Variants in MAP2K5 observed in about 807,000 individuals in gnomAD.
MAP2K5 encodes dual specificity mitogen-activated protein kinase kinase 5.
A neutral mutation model predicts 83.1 loss-of-function variants in MAP2K5; 49 were observed. That is an observed-to-expected ratio of 0.59 (90% confidence interval 0.47 to 0.75). The LOEUF is 0.75. Among genes scored for constraint, MAP2K5 ranks in the 30% least tolerant of loss-of-function variants. The pLI is 0.00. For synonymous variants in MAP2K5, 202 were observed against 191.8 expected (o/e 1.05, Z -0.44); for missense variants, 457 against 557.5 (o/e 0.82, Z 1.82).
At position 67,770,795 on chromosome 15, in the gene MAP2K5, G is replaced by A. The variant is rs143005687; in HGVS notation, c.1196+1132G>A. On this transcript the variant is annotated intron_variant, in intron 20 of 21. Coordinates refer to ENST00000178640, the MANE Select transcript of MAP2K5 (RefSeq NM_145160.3). The surrounding 1 kb of genome is among the most constrained non-coding windows in gnomAD (Gnocchi z 5.0). The stretch of plus-strand genomic sequence containing the variant: ...AGCTTTATCACCTTTTTGACTAAGT[G>A]TAACATGTTACCTCTTAATAAAAAT... 4.9e-4 allele frequency among the ~76,000 whole-genome samples: 74 copies of A among 152,166 alleles called. No homozygotes were observed. In the East Asian group the frequency reaches 0.011, roughly 23 times the overall value.
At chr15:67,632,028 G>A (rs556043206) in intron 9 of MAP2K5, among the ~76,000 whole-genome samples, 130 of 151,732 alleles carry the variant, frequency 8.6e-4, no homozygotes, top group African/African-American at 2.9e-3. Flanking sequence ...TTTATCTCCA[G>A]TCTCCTGGCC....
chr15:67,560,572 C>T (rs1364077268), intron 2 of MAP2K5, among the ~76,000 whole-genome samples: 1 of 152,238 alleles, frequency 6.6e-6, no homozygotes, highest in African/African-American at 2.4e-5. Flanking sequence ...GTCAGACCCC[C>T]TAAGGGGAGA....
At position 67,577,867 on chromosome 15, in the gene MAP2K5, G is replaced by A. The variant is rs372450054; in HGVS notation, c.253-2887G>A. 5.4e-4 allele frequency among the ~76,000 whole-genome samples: 82 copies of A among 152,268 alleles called. No homozygotes were observed. The highest frequency in any genetic ancestry group is 1.9e-3 in the African/African-American group (81 of 41,556). Reference sequence around the variant, plus strand: ...AATACAAAAATTAGCCGGGCCAGTGGTGGGTGCCTGTAATCCCAGCTACTT... The same window carrying A: ...AATACAAAAATTAGCCGGGCCAGTGATGGGTGCCTGTAATCCCAGCTACTT... On this transcript the variant is annotated intron_variant, in intron 3 of 21. Transcript: ENST00000178640. This position sits in a 1 kb window ranked among gnomAD's most constrained non-coding sequence, Gnocchi z 4.1.
intron 16 of MAP2K5, among the ~76,000 whole-genome samples, chr15:67,704,582 A>G (rs2088505033): frequency 6.6e-6 from 1 of 152,218 alleles, no homozygotes; most frequent in African/African-American, 2.4e-5. Flanking sequence ...AGAAAGCAAA[A>G]ATAAAGTGTT....
At position 67,758,890 on chromosome 15, in the gene MAP2K5, A is replaced by C. The variant is rs149847290; in HGVS notation, c.1134+10289A>C. Among the ~76,000 whole-genome samples the C allele has an allele frequency of 3.7e-3, 561 of 152,328 alleles. 4 individuals carry two copies. Among genetic ancestry groups the C allele is most frequent in the African/African-American group, 0.013 (538 of 41,578 alleles). On this transcript the variant is annotated intron_variant, in intron 19 of 21. Transcript: ENST00000178640. This position sits in a 1 kb window ranked among gnomAD's most constrained non-coding sequence, Gnocchi z 4.7. ...CCACTGAACATTTTGGCATCAAAGG[A>C]AGAGGTTTTTTATACAGCTGTGAAA...
intron 9 of MAP2K5, among the ~76,000 whole-genome samples, chr15:67,641,929 T>G (rs1335506015): frequency 6.6e-6 from 1 of 152,144 alleles, no homozygotes; most frequent in Non-Finnish European, 1.5e-5. Flanking sequence ...CCACCCAGAG[T>G]GCCAAGTCTC....
chr15:67,603,018 A>G (rs1031275112), intron 8 of MAP2K5, among the ~76,000 whole-genome samples: 3 of 152,236 alleles, frequency 2.0e-5, no homozygotes, highest in Admixed American at 6.5e-5. Context: ...CCCAAGGGAA[A>G]ATTACAACAT....
At position 67,748,684 on chromosome 15, in the gene MAP2K5, A is replaced by G. The variant is rs557038620; in HGVS notation, c.1134+83A>G. The G allele has an allele frequency of 5.5e-6, 7 of 1,275,870 alleles. No homozygotes were observed. The highest frequency in any genetic ancestry group is 5.3e-5 in the Admixed American group (3 of 56,754). 79.0% of individuals were successfully genotyped at this position (1,275,870 alleles called of 1,614,324 possible). A position where few individuals can be genotyped will look rare whatever the true frequency, so the allele number is the denominator to read the frequency against. On this transcript the variant is annotated intron_variant, in intron 19 of 21. Coordinates refer to ENST00000178640, the MANE Select transcript of MAP2K5 (RefSeq NM_145160.3). The surrounding 1 kb of genome is among the most constrained non-coding windows in gnomAD (Gnocchi z 4.0). ...CTTATATTTTGTTTCCTAATGAAGC[A>G]CAATGCCCAACATCCTTGGAGCAAG...
rs2090252293 is a variant in MAP2K5, at chr15:67,777,022, A to T, written c.1242+4270A>T. ...TCTTTTCATCCAAAAACAGGAATTCATGACTGCTACATTTTTCAAAGGGGA... is the reference window on the plus strand; with the variant it reads ...TCTTTTCATCCAAAAACAGGAATTCTTGACTGCTACATTTTTCAAAGGGGA... On this transcript the variant is annotated intron_variant, in intron 21 of 21. Coordinates refer to ENST00000178640, the MANE Select transcript of MAP2K5 (RefSeq NM_145160.3). This position sits in a 1 kb window ranked among gnomAD's most constrained non-coding sequence, Gnocchi z 6.0. Among the ~76,000 whole-genome samples, 1 of 152,240 alleles carries T rather than the reference A, an allele frequency of 6.6e-6. No homozygotes were observed. Among genetic ancestry groups the T allele is most frequent in the Non-Finnish European group, 1.5e-5 (1 of 68,046 alleles).
At chr15:67,570,633 G>T (rs978544429) in intron 3 of MAP2K5, among the ~76,000 whole-genome samples, 9 of 152,220 alleles carry the variant, frequency 5.9e-5, no homozygotes, top group Non-Finnish European at 1.0e-4. Context: ...TAAAGTATGA[G>T]AAATAATTGA....
rs1232748993 is a variant in MAP2K5, at chr15:67,774,440, C to G, written c.1242+1688C>G. 6.6e-6 allele frequency among the ~76,000 whole-genome samples: 1 copy of G among 152,014 alleles called. No homozygotes were observed. The highest frequency in any genetic ancestry group is 1.9e-4 in the East Asian group (1 of 5,186). On this transcript the variant is annotated intron_variant, in intron 21 of 21. Coordinates refer to ENST00000178640, the MANE Select transcript of MAP2K5 (RefSeq NM_145160.3). The surrounding 1 kb of genome is among the most constrained non-coding windows in gnomAD (Gnocchi z 4.9). The stretch of plus-strand genomic sequence containing the variant: ...GTGAGGCACCACTGCTTTGGCAGGG[C>G]TCAGTGAGGAGGCAGGGAACAATAG...
chr15:67,718,351 G>A (rs917494308), intron 16 of MAP2K5, among the ~76,000 whole-genome samples: 1 of 152,184 alleles, frequency 6.6e-6, no homozygotes, highest in East Asian at 1.9e-4. Flanking sequence ...ACAGGTCAGC[G>A]TTACACAAAC....
At chr15:67,674,388 C>T (rs2087627041) in intron 13 of MAP2K5, among the ~76,000 whole-genome samples, 1 of 152,152 alleles carries the variant, frequency 6.6e-6, no homozygotes, top group Non-Finnish European at 1.5e-5. Flanking sequence ...AAATCATTTC[C>T]ATATTGTCCT....
intron 13 of MAP2K5, among the ~76,000 whole-genome samples, chr15:67,691,641 C>G (rs374460533): frequency 6.6e-6 from 1 of 152,222 alleles, no homozygotes; most frequent in African/African-American, 2.4e-5. Flanking sequence ...AGATGCTGCT[C>G]TATACCATCA....
Position 67,760,364 on chromosome 15 carries a change from T to A in MAP2K5, c.1135-9238T>A, listed in dbSNP as rs2089924975. 6.6e-6 allele frequency among the ~76,000 whole-genome samples: 1 copy of A among 152,206 alleles called. No individual in the cohort carries two copies. Among genetic ancestry groups the A allele is most frequent in the Non-Finnish European group, 1.5e-5 (1 of 68,024 alleles). On this transcript the variant is annotated intron_variant, in intron 19 of 21. Transcript: ENST00000178640. This position sits in a 1 kb window ranked among gnomAD's most constrained non-coding sequence, Gnocchi z 4.1. ...AATTTTTTCCTCATAGTCTGAAGGA[T>A]GTACAAAGTCACTTGAAGTAAAAAA...
At chr15:67,575,363 G>A (rs1016349207) in intron 3 of MAP2K5, among the ~76,000 whole-genome samples, 38 of 151,838 alleles carry the variant, frequency 2.5e-4, no homozygotes, top group African/African-American at 8.7e-4. Context: ...ACCCATGGAG[G>A]TGGCGGGGCG....
At chr15:67,784,667 T>C (rs62015219) in intron 21 of MAP2K5, among the ~76,000 whole-genome samples, 12,328 of 152,292 alleles carry the variant, frequency 0.081, 678 homozygotes, top group Admixed American at 0.1. Context: ...GTTAGTTGGT[T>C]ATCTGAGGGG....
chr15:67,734,156 T>C (rs745815833), intron 17 of MAP2K5, among the ~76,000 whole-genome samples: 12 of 152,228 alleles, frequency 7.9e-5, no homozygotes, highest in Non-Finnish European at 1.8e-4. Context: ...GATTAATTTA[T>C]TTGCTGCATC....
rs972023695 is a variant in MAP2K5 at position 67,768,956 on chromosome 15, A to C, written c.1135-646A>C. On this transcript the variant is annotated intron_variant, in intron 19 of 21. Coordinates refer to ENST00000178640, the MANE Select transcript of MAP2K5 (RefSeq NM_145160.3). The surrounding 1 kb of genome is among the most constrained non-coding windows in gnomAD (Gnocchi z 4.0). ...GCTTTTTTGACTGACTCCCACCTCCATCCTAGTTTTGGTTGGTGGTCAAGT... is the reference window on the plus strand; with the variant it reads ...GCTTTTTTGACTGACTCCCACCTCCCTCCTAGTTTTGGTTGGTGGTCAAGT... Among the ~76,000 whole-genome samples the C allele has an allele frequency of 1.3e-5, 2 of 152,152 alleles. No homozygotes were observed. Among genetic ancestry groups the C allele is most frequent in the Non-Finnish European group, 2.9e-5 (2 of 68,030 alleles).
Sources: allele counts gnomAD v4.1 joint callset (sites outside exome capture counted in the v4.1 genomes callset), GRCh38; gene constraint gnomAD v4.1.1; non-coding constraint Gnocchi (gnomAD v3.1); transcripts MANE v1.5; gene names NCBI Gene and HGNC (gene_info 2026-07-23, HGNC 2026-07-21).